ATP2A3: variants seen among roughly 807,000 people sequenced by gnomAD.
The protein encoded by ATP2A3 is ATPase sarcoplasmic/endoplasmic reticulum Ca2+ transporting 3.
A neutral mutation model predicts 106.8 loss-of-function variants in ATP2A3; 61 were observed. The ratio of observed to expected loss-of-function variants is 0.57; its 90% CI spans 0.46 to 0.71. The LOEUF is 0.71. Among genes scored for constraint, ATP2A3 ranks in the 30% least tolerant of loss-of-function variants. The pLI, the probability that ATP2A3 is intolerant of heterozygous loss-of-function variation, is 0.00. For missense variants in ATP2A3, 1,201 were observed against 1,423.5 expected, an observed-to-expected ratio of 0.84 and a Z score of 2.52; for synonymous variants, 611 against 609.3, an observed-to-expected ratio of 1.00 and a Z score of -0.04.
chr17:3,958,869 TACAC>T (rs1555566985), intron 1 of ATP2A3, among the ~76,000 whole-genome samples: 11 of 77,452 alleles, frequency 1.4e-4, no homozygotes, highest in African/African-American at 6.3e-4. Context: ...TATATATATA[TACAC>T]ACACACACAC....
At chr17:3,952,353 C>T (rs573014999) in intron 3 of ATP2A3, among the ~76,000 whole-genome samples, 21 of 152,276 alleles carry the variant, frequency 1.4e-4, no homozygotes, top group Admixed American at 2.6e-4. Context: ...TACAGGCATG[C>T]GCCACTGCGC....
chr17:3,927,673 C>T, intron 20 of ATP2A3: 1 of 980,540 alleles, frequency 1.0e-6, no homozygotes, highest in Non-Finnish European at 1.2e-6. Flanking sequence ...CACCCCCACC[C>T]ATTGGCCCCA....
At chr17:3,951,527 T>G in intron 4 of ATP2A3, 54 bp downstream of exon 4, 1 of 1,553,926 alleles carries the variant, frequency 6.4e-7, no homozygotes. Flanking sequence ...TGGAGGGCAC[T>G]CCTAGTGGCT....
intron 10 of ATP2A3, among the ~76,000 whole-genome samples, chr17:3,944,242 G>A (rs965036774): frequency 2.6e-5 from 4 of 152,176 alleles, no homozygotes; most frequent in Admixed American, 2.6e-4. Flanking sequence ...AAAACTCTTC[G>A]TTGGTGCTCT....
Position 3,929,336 on chromosome 17 carries a change from G to A in ATP2A3, c.2854C>T (p.Pro952Ser), listed in dbSNP as rs1213214502. The A allele has an allele frequency of 6.4e-7, 1 of 1,551,500 alleles. No individual in the cohort carries two copies. Among genetic ancestry groups the A allele is most frequent in the Admixed American group, 2.0e-5 (1 of 51,162 alleles). The change falls in exon 19 of 21, where the codon CCC becomes TCC. Residue 952 changes from proline to serine, a missense_variant. By Grantham distance (74) the Pro-to-Ser change is moderately conservative. Around this residue, in one of 2 missense-constraint regions of ATP2A3, gnomAD observed 935 missense variants for 1,176.7 expected, o/e 0.79. Transcript: ENST00000397041. This position sits in a 1 kb window ranked among gnomAD's most constrained non-coding sequence, Gnocchi z 4.3. ...CAGGCGGGGTGACTCACAGGCAGGG[G>A]CGGCACGAGCAGGATGAGGAAGTGC... ...ALHFLILLVPPLPLIFQVTPL... is the reference protein window; with the variant it reads ...ALHFLILLVPSLPLIFQVTPL...
Position 3,953,765 on chromosome 17 carries a change from A to C in ATP2A3, c.119-55T>G. 2 of 1,554,578 alleles carry C rather than the reference A, an allele frequency of 1.3e-6. No homozygotes were observed. The highest frequency in any genetic ancestry group is 1.7e-6 in the Non-Finnish European group (2 of 1,147,390). ...TGAGGAGACAAGAGAGGAGTGGGTC[A>C]CGCAGGGGCCTCGGGGGAGTCTGGC... On this transcript the variant is annotated intron_variant, in intron 1 of 20. Transcript: ENST00000397041. The surrounding 1 kb of genome is among the most constrained non-coding windows in gnomAD (Gnocchi z 5.1).
rs1201866364 is a variant in ATP2A3 at position 3,955,747 on chromosome 17, G to A, written c.119-2037C>T. Reference sequence around the variant, plus strand: ...ACCTTTCTTTATTCTGGGCAGGGGCGAGGCCTGGGGTTGGGAAGCGTGTCA... The same window carrying A: ...ACCTTTCTTTATTCTGGGCAGGGGCAAGGCCTGGGGTTGGGAAGCGTGTCA... On this transcript the variant is annotated intron_variant, in intron 1 of 20. Transcript: ENST00000397041. The surrounding 1 kb of genome is among the most constrained non-coding windows in gnomAD (Gnocchi z 4.2). Among the ~76,000 whole-genome samples the A allele has an allele frequency of 2.0e-5, 3 of 152,194 alleles. No homozygotes were observed. The highest frequency in any genetic ancestry group is 4.4e-5 in the Non-Finnish European group (3 of 68,046).
In ATP2A3 at chr17:3,930,014, TCTGGACCCCAATC is replaced by T. The variant is rs1361487612; in HGVS notation, c.2744+274_2744+286del. 5.0e-4 allele frequency among the ~76,000 whole-genome samples: 65 copies of T among 130,330 alleles called. 1 individual carries two copies. Among genetic ancestry groups the T allele is most frequent in the African/African-American group, 1.8e-3 (61 of 33,172 alleles). The allele number at this position is 130,330 out of a possible 152,430, so 85.5% of individuals were successfully genotyped here. A position where few individuals can be genotyped will look rare whatever the true frequency, so the allele number is the denominator to read the frequency against. On this transcript the variant is annotated intron_variant, in intron 18 of 20. Coordinates refer to ENST00000397041, the MANE Select transcript of ATP2A3 (RefSeq NM_005173.4). The surrounding 1 kb of genome is among the most constrained non-coding windows in gnomAD (Gnocchi z 5.4). Reference sequence around the variant, plus strand: ...ACCCCAGTCTGGGATGCTCTTGACCTCTGGACCCCAATCCTGGACCCCCTTGAACCTCTGATCC... The same window carrying T: ...ACCCCAGTCTGGGATGCTCTTGACCTCTGGACCCCCTTGAACCTCTGATCC...
chr17:3,964,305 C>T lies in ATP2A3; in HGVS notation c.-14G>A, dbSNP rs1340966636. 1 of 1,226,232 alleles carries T rather than the reference C, an allele frequency of 8.2e-7. No homozygotes were observed. Among genetic ancestry groups the T allele is most frequent in the South Asian group, 1.9e-5 (1 of 53,108 alleles). The allele number at this position is 1,226,232 out of a possible 1,614,324, so 76.0% of individuals were successfully genotyped here. ...CGCCGCCTCCATGCCGCCCGCCCGG[C>T]CGTCTGCGCCGTCCGCACCGTCGAG... On this transcript the variant is annotated 5_prime_UTR_variant, in exon 1 of 21. Coordinates refer to ENST00000397041, the MANE Select transcript of ATP2A3 (RefSeq NM_005173.4).
intron 8 of ATP2A3, among the ~76,000 whole-genome samples, chr17:3,946,265 A>T (rs904061335): frequency 7.0e-6 from 1 of 142,888 alleles, no homozygotes. Flanking sequence ...AAAAAAATTT[A>T]TTAGGGCCGG....
Position 3,950,546 on chromosome 17 carries a change from C to T in ATP2A3, c.595G>A (p.Ala199Thr), listed in dbSNP as rs369952142. The T allele has an allele frequency of 3.7e-6, 6 of 1,614,060 alleles. No individual in the cohort carries two copies. In the African/African-American group the frequency reaches 5.3e-5, roughly 14 times the overall value. ...ATGTTCTTCTTGTCCTGGTTCACAG[C>T]TCTGGGGTCTGGGATGGCCTCTGTG... Reference protein sequence around the residue: ...KHTEAIPDPRAVNQDKKNMLF... With the variant: ...KHTEAIPDPRTVNQDKKNMLF... Residue 199 changes from alanine to threonine, a missense_variant, in exon 7 of 21, where the codon GCT (alanine) becomes ACT (threonine). This residue lies in a region of ATP2A3 where 935 missense variants were observed against 1,176.7 expected (regional missense o/e 0.79). Coordinates refer to ENST00000397041, the MANE Select transcript of ATP2A3 (RefSeq NM_005173.4).
intron 14 of ATP2A3, among the ~76,000 whole-genome samples, chr17:3,939,925 C>A (rs1240814157): frequency 6.9e-5 from 10 of 145,220 alleles, no homozygotes. Context: ...AACTCATATA[C>A]GGTGAAAAAA....
chr17:3,925,308 C>A lies in ATP2A3; in HGVS notation c.*114G>T. ...GACCTCGGGCCTGTCATTTATCCGG[C>A]GGGACCCGGTGGGCAAGTGGGCGAG... On this transcript the variant is annotated 3_prime_UTR_variant, in exon 21 of 21. Transcript: ENST00000397041. This position sits in a 1 kb window ranked among gnomAD's most constrained non-coding sequence, Gnocchi z 4.2. 1 of 1,577,350 alleles carries A rather than the reference C, an allele frequency of 6.3e-7. No homozygotes were observed. The highest frequency in any genetic ancestry group is 8.7e-7 in the Non-Finnish European group (1 of 1,153,696).
intron 7 of ATP2A3, 143 bp downstream of exon 7, chr17:3,950,368 T>G (rs928846490): frequency 6.6e-6 from 5 of 763,004 alleles, no homozygotes; most frequent in Non-Finnish European, 8.8e-6. Flanking sequence ...TTCACCATGT[T>G]GGCCAGGCTG....
intron 17 of ATP2A3, among the ~76,000 whole-genome samples, chr17:3,931,644 C>G (rs2053099307): frequency 6.6e-6 from 1 of 151,888 alleles, no homozygotes; most frequent in African/African-American, 2.4e-5. Context: ...GCCTCAGCCT[C>G]CCAAGTAGCT....
At chr17:3,951,543 AC>A in intron 4 of ATP2A3, 37 bp downstream of exon 4, 1 of 1,387,006 alleles carries the variant, frequency 7.2e-7, no homozygotes, top group Non-Finnish European at 9.9e-7. Flanking sequence ...TGGCTGGGAG[AC>A]CGCCCCCCGC....
rs1377122193 is a variant in ATP2A3, at chr17:3,953,300, T to G, written c.219+47A>C. On this transcript the variant is annotated intron_variant, in intron 3 of 20. Coordinates refer to ENST00000397041, the MANE Select transcript of ATP2A3 (RefSeq NM_005173.4). The surrounding 1 kb of genome is among the most constrained non-coding windows in gnomAD (Gnocchi z 5.1). ...GAGCACTGCCCAGCCTGGCTCTCCCTCCAGGGCTACCGACTACCACAGGAT... is the reference window on the plus strand; with the variant it reads ...GAGCACTGCCCAGCCTGGCTCTCCCGCCAGGGCTACCGACTACCACAGGAT... 6.3e-7 allele frequency: 1 copy of G among 1,597,956 alleles called. No individual in the cohort carries two copies. Among genetic ancestry groups the G allele is most frequent in the African/African-American group, 1.3e-5 (1 of 74,638 alleles).
chr17:3,939,788 A>T (rs1365088017), intron 14 of ATP2A3, among the ~76,000 whole-genome samples: 15 of 135,042 alleles, frequency 1.1e-4, no homozygotes, highest in South Asian at 4.8e-4. Context: ...ACTCTGTCTA[A>T]AAAAAAAAAA....
chr17:3,943,245 C>A, intron 11 of ATP2A3, 146 bp downstream of exon 11: 1 of 1,337,110 alleles, frequency 7.5e-7, no homozygotes, highest in Non-Finnish European at 1.0e-6. Context: ...GTACTAAAGC[C>A]TGGGCGACAG....
Sources: gnomAD v4.1 joint callset for allele counts (sites outside exome capture counted in the v4.1 genomes callset) on GRCh38, gnomAD v4.1.1 for gene constraint, gnomAD v4.1.1 regional missense constraint, Gnocchi (gnomAD v3.1) non-coding constraint, MANE v1.5 for transcripts, NCBI Gene and HGNC (gene_info 2026-07-23, HGNC 2026-07-21) for gene names.